The following CAMTA1 variants were observed in gnomAD, a reference collection of about 807,000 sequenced individuals.
The protein encoded by CAMTA1 is calmodulin-binding transcription activator 1.
In CAMTA1, 27 loss-of-function variants were observed where a neutral mutation model predicts 170.9. The observed-to-expected ratio is 0.16, with a 90% CI of 0.12 to 0.22. CAMTA1 has a LOEUF of 0.22. Ranked by LOEUF, CAMTA1 falls within the 10% of genes least tolerant of loss-of-function variation. The pLI is 1.00. For synonymous variants in CAMTA1, 833 were observed against 891.5 expected (o/e 0.93, Z 1.17); for missense variants, 1,619 against 2,217.2 (o/e 0.73, Z 5.42).
chr1:7,481,082 C>T, intron 6 of CAMTA1, among the ~76,000 whole-genome samples: 1 of 152,102 alleles, frequency 6.6e-6, no homozygotes, highest in Non-Finnish European at 1.5e-5. Flanking sequence ...CCTGAACCCA[C>T]CTCCTTCTCT....
At chr1:7,102,206 G>A (rs1463257204) in intron 4 of CAMTA1, among the ~76,000 whole-genome samples, 1 of 152,108 alleles carries the variant, frequency 6.6e-6, no homozygotes, top group African/African-American at 2.4e-5. Context: ...TTCTATACTG[G>A]CTACTCCTGA....
chr1:7,268,869 A>G (rs1669296320), intron 5 of CAMTA1, among the ~76,000 whole-genome samples: 1 of 152,220 alleles, frequency 6.6e-6, no homozygotes, highest in Non-Finnish European at 1.5e-5. Flanking sequence ...AAAAGACAAG[A>G]GCTTCAAATA....
At chr1:7,397,245 C>T (rs1267645409) in intron 5 of CAMTA1, among the ~76,000 whole-genome samples, 1 of 151,998 alleles carries the variant, frequency 6.6e-6, no homozygotes, top group African/African-American at 2.4e-5. Flanking sequence ...GAAATTTTTC[C>T]ATTTCCTCTA....
intron 3 of CAMTA1, among the ~76,000 whole-genome samples, chr1:6,960,639 A>G (rs918139711): frequency 3.9e-5 from 6 of 152,322 alleles, no homozygotes; most frequent in Middle Eastern, 3.4e-3. Flanking sequence ...GTCTTATCAC[A>G]TCGGACACGG....
intron 4 of CAMTA1, among the ~76,000 whole-genome samples, chr1:7,221,265 G>A (rs920404842): frequency 4.0e-5 from 6 of 151,278 alleles, no homozygotes; most frequent in Non-Finnish European, 8.8e-5. Context: ...CTCATTCACA[G>A]CATTTAGTTA....
chr1:6,866,200 A>G (rs1427667932), intron 3 of CAMTA1, among the ~76,000 whole-genome samples: 1 of 152,248 alleles, frequency 6.6e-6, no homozygotes, highest in African/African-American at 2.4e-5. Context: ...AAGATTTATC[A>G]AAAACGTAAA....
intron 6 of CAMTA1, among the ~76,000 whole-genome samples, chr1:7,595,011 G>A (rs1411400598): frequency 6.6e-6 from 1 of 152,174 alleles, no homozygotes; most frequent in African/African-American, 2.4e-5. Flanking sequence ...AAGAGGAGAG[G>A]CCTAAGACTG....
At chr1:7,119,825 G>T (rs1335566233) in intron 4 of CAMTA1, among the ~76,000 whole-genome samples, 2 of 152,188 alleles carry the variant, frequency 1.3e-5, no homozygotes, top group Non-Finnish European at 2.9e-5. Context: ...TACAGAAAAT[G>T]ATGTGCGTGG....
chr1:7,310,733 TCTTTCTTTC>T lies in CAMTA1; in HGVS notation c.438+61108_438+61116del, dbSNP rs1557492204. Among the ~76,000 whole-genome samples the T allele has an allele frequency of 4.4e-4, 42 of 95,932 alleles. 1 individual carries two copies. Among genetic ancestry groups the T allele is most frequent in the African/African-American group, 1.7e-3 (42 of 25,134 alleles). The allele number at this position is 95,932 out of a possible 152,430, so 62.9% of individuals were successfully genotyped here. On this transcript the variant is annotated intron_variant, in intron 5 of 22. Coordinates refer to ENST00000303635, the MANE Select transcript of CAMTA1 (RefSeq NM_015215.4). ...TTCTTTCTTTCTTTCTTTCTTTCTT[TCTTTCTTTC>T]TTTTTTTTAAGACAGTCTTGCTCTG...
At chr1:7,516,032 C>T (rs1001419990) in intron 6 of CAMTA1, among the ~76,000 whole-genome samples, 1 of 152,216 alleles carries the variant, frequency 6.6e-6, no homozygotes, top group Non-Finnish European at 1.5e-5. Flanking sequence ...AAGGTGGGCT[C>T]TGCATCAGCC....
intron 4 of CAMTA1, among the ~76,000 whole-genome samples, chr1:7,229,355 A>G: frequency 7.0e-6 from 1 of 142,730 alleles, no homozygotes; most frequent in South Asian, 2.5e-4. Context: ...ACCACGAGGC[A>G]GCTGGAGGCC....
Position 7,592,647 on chromosome 1 carries a change from C to T in CAMTA1, c.511-47753C>T, listed in dbSNP as rs1314106049. The stretch of plus-strand genomic sequence containing the variant: ...AGTGGGGAGTGTCCAGGCGTTGCTG[C>T]ATGAGTTGCCTCTGGGAGGCTTTGG... On this transcript the variant is annotated intron_variant, in intron 6 of 22. Transcript: ENST00000303635. This position sits in a 1 kb window ranked among gnomAD's most constrained non-coding sequence, Gnocchi z 4.6. Among the ~76,000 whole-genome samples the T allele has an allele frequency of 2.0e-5, 3 of 152,106 alleles. No individual in the cohort carries two copies. Among genetic ancestry groups the T allele is most frequent in the Non-Finnish European group, 2.9e-5 (2 of 68,030 alleles).
At chr1:6,860,468 G>T (rs886269830) in intron 3 of CAMTA1, among the ~76,000 whole-genome samples, 1 of 152,140 alleles carries the variant, frequency 6.6e-6, no homozygotes, top group Non-Finnish European at 1.5e-5. Flanking sequence ...CAAATATGTG[G>T]TTTTTTACCT....
intron 7 of CAMTA1, among the ~76,000 whole-genome samples, chr1:7,660,439 G>A (rs12405851): frequency 0.26 from 38,809 of 152,140 alleles, 5,053 homozygotes; most frequent in Middle Eastern, 0.36. Flanking sequence ...TCAGGAGGCT[G>A]AGGCGGGAGG....
intron 3 of CAMTA1, among the ~76,000 whole-genome samples, chr1:7,089,570 C>CATCCCATCCA (rs1641211456): frequency 6.6e-6 from 1 of 150,422 alleles, no homozygotes; most frequent in Non-Finnish European, 1.5e-5. Flanking sequence ...CATCCCATCC[C>CATCCCATCCA]ATCCCATCCC....
In CAMTA1 at chr1:7,058,473, C is replaced by T. The variant is rs74707457; in HGVS notation, c.235-32831C>T. On this transcript the variant is annotated intron_variant, in intron 3 of 22. Transcript: ENST00000303635. ...CGCAACTCATTGCTCTGAGTTGGTG[C>T]GACTGCTTGAAAGGCCGGGGCAGGT... 1.6e-3 allele frequency among the ~76,000 whole-genome samples: 248 copies of T among 152,188 alleles called. 5 individuals are homozygous for T. In the East Asian group the frequency reaches 0.023, roughly 14 times the overall value.
At position 7,748,037 on chromosome 1, in the gene CAMTA1, C is replaced by T. The variant is rs895099545; in HGVS notation, c.4689+256C>T. Among the ~76,000 whole-genome samples the T allele has an allele frequency of 2.0e-5, 3 of 151,980 alleles. No individual in the cohort carries two copies. The highest frequency in any genetic ancestry group is 2.9e-5 in the Non-Finnish European group (2 of 67,964). Reference sequence around the variant, plus strand: ...AAGCGATTCTCCTGCCTCAGCCTCCCGAGTAGCTGGGACTACAGGCGTGTG... The same window carrying T: ...AAGCGATTCTCCTGCCTCAGCCTCCTGAGTAGCTGGGACTACAGGCGTGTG... On this transcript the variant is annotated intron_variant, in intron 19 of 22. Coordinates refer to ENST00000303635, the MANE Select transcript of CAMTA1 (RefSeq NM_015215.4). The surrounding 1 kb of genome is among the most constrained non-coding windows in gnomAD (Gnocchi z 4.7).
intron 6 of CAMTA1, among the ~76,000 whole-genome samples, chr1:7,505,706 A>G (rs1327183556): frequency 6.6e-6 from 1 of 152,196 alleles, no homozygotes; most frequent in Non-Finnish European, 1.5e-5. Context: ...AAGTGTTGAC[A>G]GATAACCTTG....
At chr1:7,621,702 G>C (rs543860042) in intron 6 of CAMTA1, among the ~76,000 whole-genome samples, 1 of 152,348 alleles carries the variant, frequency 6.6e-6, no homozygotes, top group South Asian at 2.1e-4. Context: ...GAGGTGCCAG[G>C]TGCAGTGCTC....
Sources: allele counts gnomAD v4.1 joint callset (sites outside exome capture counted in the v4.1 genomes callset), GRCh38; gene constraint gnomAD v4.1.1; non-coding constraint Gnocchi (gnomAD v3.1); transcripts MANE v1.5; gene names NCBI Gene and HGNC (gene_info 2026-07-23, HGNC 2026-07-21).